FCRLB: variants seen among roughly 807,000 people sequenced by gnomAD.
FCRLB encodes Fc receptor like B.
A neutral mutation model predicts 33.6 loss-of-function variants in FCRLB; 34 were observed. The observed-to-expected ratio is 1.01, with a 90% CI of 0.77 to 1.35. FCRLB has a LOEUF of 1.35. FCRLB is among the 40% of genes most tolerant of loss of function. The pLI is 0.00. For missense variants in FCRLB, 560 were observed against 580.2 expected (o/e 0.97, Z 0.36); for synonymous variants, 280 against 255.9 (o/e 1.09, Z -0.90).
Position 161,726,641 on chromosome 1 carries a change from G to A in FCRLB, c.575-62G>A, listed in dbSNP as rs997958504. 1 of 1,547,092 alleles carries A rather than the reference G, an allele frequency of 6.5e-7. No homozygotes were observed. Among genetic ancestry groups the A allele is most frequent in the East Asian group, 2.4e-5 (1 of 41,692 alleles). Reference sequence around the variant, plus strand: ...TGCAAGGAGCCCTCGCGGGAAGCAGGAAGGAGCGGGGTCGCGGAGCGGTGG... The same window carrying A: ...TGCAAGGAGCCCTCGCGGGAAGCAGAAAGGAGCGGGGTCGCGGAGCGGTGG... On this transcript the variant is annotated intron_variant, in intron 6 of 7. Transcript: ENST00000367948. This position sits in a 1 kb window ranked among gnomAD's most constrained non-coding sequence, Gnocchi z 5.2.
chr1:161,727,166 C>A lies in FCRLB; in HGVS notation c.866-81C>A, dbSNP rs1173951333. 17 of 1,434,622 alleles carry A rather than the reference C, an allele frequency of 1.2e-5. No individual in the cohort carries two copies. The East Asian group carries it at 2.2e-4, about 19-fold the overall frequency. The allele number at this position is 1,434,622 out of a possible 1,614,324, so 88.9% of individuals were successfully genotyped here. ...TCTTCCGGCCTTCCCCATCCCCGCC[C>A]ACCGCCCTACGCCCCTCCCCCAGCC... On this transcript the variant is annotated intron_variant, in intron 7 of 7. Coordinates refer to ENST00000367948, the Ensembl canonical transcript of FCRLB.
chr1:161,723,242 A>G, intron 4 of FCRLB, 125 bp from the exon 5 acceptor site: 1 of 1,214,876 alleles, frequency 8.2e-7, no homozygotes, highest in Non-Finnish European at 1.2e-6. Flanking sequence ...GGGATGGGTT[A>G]GTACATGGGC....
exon 5 of FCRLB, chr1:161,723,524 T>A: frequency 6.2e-7 from 1 of 1,614,172 alleles, no homozygotes; most frequent in Non-Finnish European, 8.5e-7. Flanking sequence ...TTCTGCCCTC[T>A]CACAAGAAGA....
In FCRLB at chr1:161,723,538, T is replaced by C. The variant is rs538056349; in HGVS notation, c.224T>C (p.Ile75Thr). 14 of 1,614,134 alleles carry C rather than the reference T, an allele frequency of 8.7e-6. No homozygotes were observed. Among genetic ancestry groups the C allele is most frequent in the South Asian group, 2.2e-5 (2 of 91,076 alleles). ...CTTCTGCCCTCTCACAAGAAGAGCA[T>C]TGAGGTGCAGACACCAGGGGTGTAT... Residue 75 changes from isoleucine (I) to threonine (T), a missense_variant, in exon 5 of 8, where the codon ATT (isoleucine) becomes ACT (threonine). Transcript: ENST00000367948.
chr1:161,725,917 T>C lies in FCRLB; in HGVS notation c.404T>C (p.Leu135Pro), dbSNP rs754387024. 7 of 1,614,126 alleles carry C rather than the reference T, an allele frequency of 4.3e-6. No individual in the cohort carries two copies. The highest frequency in any genetic ancestry group is 1.3e-5 in the African/African-American group (1 of 74,950). Reference sequence around the variant, plus strand: ...TGGTACGACAAGGTGGTCTACAAGCTTCACTACTACCACGACGGCCAGGCC... The same window carrying C: ...TGGTACGACAAGGTGGTCTACAAGCCTCACTACTACCACGACGGCCAGGCC... Residue 135 changes from leucine (L) to proline (P), a missense_variant, in exon 6 of 8, where the codon CTT (leucine) becomes CCT (proline). By Grantham distance (98) the Leu-to-Pro change is moderately conservative. Coordinates refer to ENST00000367948, the Ensembl canonical transcript of FCRLB.
At chr1:161,724,689 A>G (rs1289777221) in intron 5 of FCRLB, among the ~76,000 whole-genome samples, 2 of 152,214 alleles carry the variant, frequency 1.3e-5, no homozygotes, top group Non-Finnish European at 2.9e-5. Context: ...AATTATACTG[A>G]GTACTATAGG....
rs1318480923 is a variant in FCRLB at position 161,727,656 on chromosome 1, GA to G, written c.1276del (p.Ser426AlafsTer83). 2 of 1,593,344 alleles carry G rather than the reference GA, an allele frequency of 1.3e-6. No individual in the cohort carries two copies. Among genetic ancestry groups the G allele is most frequent in the Admixed American group, 3.5e-5 (2 of 57,166 alleles). Reference sequence around the variant, plus strand: ...GAACCCCAGAGACCACTCCTGTGGAGAGCTGAGGGGGCGGCTACCGTCCCCT... The same window carrying G: ...GAACCCCAGAGACCACTCCTGTGGAGGCTGAGGGGGCGGCTACCGTCCCCT... On this transcript the variant is annotated frameshift_variant, in exon 8 of 8. Transcript: ENST00000367948. LOFTEE classifies it high-confidence loss of function.
intron 4 of FCRLB, 71 bp downstream of exon 4, chr1:161,723,080 G>A (rs1210889858): frequency 6.4e-7 from 1 of 1,566,874 alleles, no homozygotes; most frequent in Admixed American, 1.7e-5. Flanking sequence ...ACCTTTTCAA[G>A]TAGACTCCTC....
intron 5 of FCRLB, among the ~76,000 whole-genome samples, chr1:161,724,875 G>A (rs1304391893): frequency 6.6e-6 from 1 of 152,142 alleles, no homozygotes; most frequent in Non-Finnish European, 1.5e-5. Context: ...AGGCTCTCCT[G>A]GGGTGTCAGG....
Position 161,727,364 on chromosome 1 carries a change from TCACCTCCGTCCGGAACAC to T in FCRLB, c.991_1008del (p.Val331_Ser336del), listed in dbSNP as rs1370317821. Reference sequence around the variant, plus strand: ...CCGGTGTCCAGATCGGTCCCGTTGGTCACCTCCGTCCGGAACACCACCTCCACCGGGCTGCAGTTCCCG... The same window carrying T: ...CCGGTGTCCAGATCGGTCCCGTTGGTCACCTCCACCGGGCTGCAGTTCCCG... On this transcript the variant is annotated inframe_deletion, in exon 8 of 8. Transcript: ENST00000367948. 3 of 1,613,454 alleles carry T rather than the reference TCACCTCCGTCCGGAACAC, an allele frequency of 1.9e-6. No homozygotes were observed. The South Asian group carries it at 3.3e-5, about 18-fold the overall frequency.
chr1:161,721,644 G>A (rs867935038), exon 1 of FCRLB: 6 of 152,244 alleles, frequency 3.9e-5, no homozygotes, highest in Middle Eastern at 6.8e-3. Flanking sequence ...AAGGTGCCCC[G>A]GTTCTAAACA....
chr1:161,726,313 C>T lies in FCRLB; in HGVS notation c.574+226C>T, dbSNP rs974842929. 1 of 833,180 alleles carries T rather than the reference C, an allele frequency of 1.2e-6. No homozygotes were observed. The highest frequency in any genetic ancestry group is 1.7e-5 in the African/African-American group (1 of 59,734). 51.6% of individuals were successfully genotyped at this position (833,180 alleles called of 1,614,324 possible). On this transcript the variant is annotated intron_variant, in intron 6 of 7. Transcript: ENST00000367948. This position sits in a 1 kb window ranked among gnomAD's most constrained non-coding sequence, Gnocchi z 5.2. ...CCGACGCACATCCTGGCTTCTCACT[C>T]TGGCTGGGGACTCCCACAGAGAGGG...
At chr1:161,727,273 A>G (rs1478342484) in exon 8 of FCRLB, 6 of 1,606,408 alleles carry the variant, frequency 3.7e-6, no homozygotes, top group Non-Finnish European at 4.3e-6. Flanking sequence ...GGCCTCCACC[A>G]CCGCCCCAGC....
chr1:161,722,217 A>G (rs891153782), intron 2 of FCRLB, among the ~76,000 whole-genome samples: 3 of 152,154 alleles, frequency 2.0e-5, no homozygotes, highest in African/African-American at 7.2e-5. Flanking sequence ...AGGAGTGAGC[A>G]GGAAAAAGGT....
chr1:161,725,723 G>A, intron 5 of FCRLB, 98 bp from the exon 6 acceptor site: 1 of 1,376,940 alleles, frequency 7.3e-7, no homozygotes, highest in Non-Finnish European at 9.9e-7. Context: ...AAGGGAGGGA[G>A]AGGAGTTAAG....
At chr1:161,723,142 G>A in intron 4 of FCRLB, 133 bp downstream of exon 4, 1 of 1,268,886 alleles carries the variant, frequency 7.9e-7, no homozygotes, top group Non-Finnish European at 1.1e-6. Flanking sequence ...TCAACCCCTG[G>A]GACTAAATTT....
At position 161,723,639 on chromosome 1, in the gene FCRLB, G is replaced by C; in HGVS notation, c.307+18G>C. 1.9e-6 allele frequency: 3 copies of C among 1,608,106 alleles called. No homozygotes were observed. Among genetic ancestry groups the C allele is most frequent in the South Asian group, 1.1e-5 (1 of 90,542 alleles). On this transcript the variant is annotated intron_variant, in intron 5 of 7. Coordinates refer to ENST00000367948, the Ensembl canonical transcript of FCRLB. ...ATCCAATGGTGAGTGGACTGAGCAC[G>C]AGGGGAGGGGGAGCACGTGTCTCCT...
chr1:161,726,121 A>C lies in FCRLB; in HGVS notation c.574+34A>C. 6.2e-7 allele frequency: 1 copy of C among 1,607,836 alleles called. No individual in the cohort carries two copies. Among genetic ancestry groups the C allele is most frequent in the Non-Finnish European group, 8.5e-7 (1 of 1,175,514 alleles). ...GACCAGGGGCCCCGGGAGGGAGGCA[A>C]ATGAGCATTGAGAAATTCTGGGACA... On this transcript the variant is annotated intron_variant, in intron 6 of 7. Transcript: ENST00000367948. This position sits in a 1 kb window ranked among gnomAD's most constrained non-coding sequence, Gnocchi z 5.2.
intron 2 of FCRLB, 28 bp from the exon 3 acceptor site, chr1:161,722,625 A>G: frequency 2.5e-6 from 4 of 1,611,382 alleles, no homozygotes; most frequent in Non-Finnish European, 3.4e-6. Context: ...TCCCCATCTC[A>G]TGCCAGTGCA....
Sources: allele counts gnomAD v4.1 joint callset (sites outside exome capture counted in the v4.1 genomes callset), GRCh38; gene constraint gnomAD v4.1.1; non-coding constraint Gnocchi (gnomAD v3.1); transcripts MANE v1.5; gene names NCBI Gene and HGNC (gene_info 2026-07-23, HGNC 2026-07-21).